The following CACNA1A variants were observed in gnomAD, a reference collection of about 807,000 sequenced individuals.
CACNA1A encodes the protein voltage-dependent P/Q-type calcium channel subunit alpha-1A.
CACNA1A carries 57 observed loss-of-function variants against 262.4 expected under a neutral mutation model. The observed-to-expected ratio is 0.22, with a 90% CI of 0.18 to 0.27. The LOEUF (loss-of-function observed/expected upper bound fraction) is 0.27. Ranked by LOEUF, CACNA1A falls within the 10% of genes least tolerant of loss-of-function variation. The pLI is 1.00. For synonymous variants in CACNA1A, 1,431 were observed against 1,419.3 expected (o/e 1.01, Z -0.18); for missense variants, 2,526 against 3,562.8 (o/e 0.71, Z 7.41).
At chr19:13,445,216 G>C (rs1332754634) in intron 3 of CACNA1A, among the ~76,000 whole-genome samples, 1 of 151,914 alleles carries the variant, frequency 6.6e-6, no homozygotes, top group Non-Finnish European at 1.5e-5. Context: ...CTGTGTAGTT[G>C]TGTCTTTTCC....
At chr19:13,459,955 C>T (rs138793223) in intron 1 of CACNA1A, among the ~76,000 whole-genome samples, 52 of 152,290 alleles carry the variant, frequency 3.4e-4, no homozygotes, top group African/African-American at 1.3e-3. Flanking sequence ...AACCTTAGCA[C>T]GTAGGCAAAA....
In CACNA1A at chr19:13,505,798, T is replaced by C. The variant is rs1435322092; in HGVS notation, c.293+134A>G. 1.7e-5 allele frequency: 13 copies of C among 754,472 alleles called. No homozygotes were observed. The Admixed American group carries it at 2.8e-4, about 16-fold the overall frequency. 46.7% of individuals were successfully genotyped at this position (754,472 alleles called of 1,614,324 possible). A position where few individuals can be genotyped will look rare whatever the true frequency, so the allele number is the denominator to read the frequency against. On this transcript the variant is annotated intron_variant, in intron 1 of 46. Coordinates refer to ENST00000360228, the MANE Select transcript of CACNA1A (RefSeq NM_001127222.2). ...CTTTCACACTCCTCCCGGTGCCCCCTCTCCCAGCCCCTGGAAGACCCCCCT... is the reference window on the plus strand; with the variant it reads ...CTTTCACACTCCTCCCGGTGCCCCCCCTCCCAGCCCCTGGAAGACCCCCCT...
intron 3 of CACNA1A, among the ~76,000 whole-genome samples, chr19:13,382,862 G>A (rs2059546899): frequency 6.6e-6 from 1 of 152,312 alleles, no homozygotes; most frequent in East Asian, 1.9e-4. Context: ...CTGCATCCCA[G>A]CGGTTGGCAG....
chr19:13,366,622 T>C (rs568447637), intron 4 of CACNA1A, among the ~76,000 whole-genome samples: 134 of 152,320 alleles, frequency 8.8e-4, no homozygotes, highest in Non-Finnish European at 1.5e-3. Context: ...AATAAAGGTA[T>C]TTGACATGCT....
chr19:13,434,953 C>T (rs544997540), intron 3 of CACNA1A, among the ~76,000 whole-genome samples: 1 of 151,976 alleles, frequency 6.6e-6, no homozygotes, highest in African/African-American at 2.4e-5. Context: ...CCACACCTGG[C>T]TAATTTTTGT....
At chr19:13,497,958 T>C (rs1981889230) in intron 1 of CACNA1A, among the ~76,000 whole-genome samples, 1 of 151,634 alleles carries the variant, frequency 6.6e-6, no homozygotes, top group African/African-American at 2.4e-5. Context: ...TCTATATGTC[T>C]CCCCTCCATC....
rs1275444260 is a variant in CACNA1A at position 13,330,232 on chromosome 19, G to A, written c.1345+12C>T. 10 of 1,537,654 alleles carry A rather than the reference G, an allele frequency of 6.5e-6. No homozygotes were observed. The highest frequency in any genetic ancestry group is 8.8e-6 in the Non-Finnish European group (10 of 1,133,412). On this transcript the variant is annotated intron_variant, in intron 10 of 46. Transcript: ENST00000360228. ...GATGAACAACTGATAGGTGGCAGAG[G>A]AAGGGACTCACCCACAGAGGCTATA...
At position 13,353,750 on chromosome 19, in the gene CACNA1A, C is replaced by A. The variant is rs377666518; in HGVS notation, c.978+5856G>T. On this transcript the variant is annotated intron_variant, in intron 6 of 46. Transcript: ENST00000360228. ...AAATCTGGAAGGGAATCAAACACAT[C>A]CTGTAGGTGAGCTGCCACTGTTCTC... Among the ~76,000 whole-genome samples the A allele has an allele frequency of 3.9e-5, 6 of 152,126 alleles. No individual in the cohort carries two copies. The East Asian group carries it at 9.6e-4, about 24-fold the overall frequency.
chr19:13,376,532 C>T (rs2059406115), intron 3 of CACNA1A, among the ~76,000 whole-genome samples: 2 of 149,256 alleles, frequency 1.3e-5, no homozygotes, highest in South Asian at 2.1e-4. Flanking sequence ...GAGATCTACT[C>T]AGAAAAAAAT....
intron 3 of CACNA1A, among the ~76,000 whole-genome samples, chr19:13,375,153 C>CT (rs1342775013): frequency 2.0e-5 from 3 of 152,078 alleles, no homozygotes; most frequent in African/African-American, 7.2e-5. Flanking sequence ...GTATTTCAAA[C>CT]TTTTACATAA....
chr19:13,497,488 CAAAAAAAAAAAAAAAAAA>C (rs59964256), intron 1 of CACNA1A, among the ~76,000 whole-genome samples: 43 of 3,978 alleles, frequency 0.011, no homozygotes, highest in African/African-American at 0.043. Flanking sequence ...AACTCCATCT[CAAAAAAAAAAAAAAAAAA>C]AAAAAAAAAA....
intron 6 of CACNA1A, among the ~76,000 whole-genome samples, chr19:13,337,238 A>C (rs578230793): frequency 6.6e-6 from 1 of 152,344 alleles, no homozygotes; most frequent in Non-Finnish European, 1.5e-5. Context: ...TATAGAGGCC[A>C]AAAATCCAAG....
intron 3 of CACNA1A, among the ~76,000 whole-genome samples, chr19:13,447,831 ACTT>A (rs1599476361): frequency 1.3e-5 from 2 of 152,146 alleles, no homozygotes; most frequent in Admixed American, 6.6e-5. Context: ...ACTCTTTCCA[ACTT>A]CTTCTGCCTG....
intron 6 of CACNA1A, among the ~76,000 whole-genome samples, chr19:13,357,226 G>T (rs1033525831): frequency 2.0e-5 from 3 of 152,134 alleles, no homozygotes; most frequent in African/African-American, 7.2e-5. Flanking sequence ...TGCAATTTTT[G>T]TGTGTGTGAA....
At chr19:13,451,393 A>C (rs987891322) in intron 3 of CACNA1A, 9 of 152,268 alleles carry the variant, frequency 5.9e-5, no homozygotes, top group Admixed American at 3.9e-4. Flanking sequence ...TGTCCAGTGA[A>C]GAAGGGTCTT....
intron 21 of CACNA1A, 62 bp downstream of exon 21, chr19:13,285,006 G>A (rs2057369216): frequency 6.3e-7 from 1 of 1,589,070 alleles, no homozygotes; most frequent in African/African-American, 1.3e-5. Flanking sequence ...TATCTGGCCT[G>A]ACTTCCGCCA....
At position 13,332,577 on chromosome 19, in the gene CACNA1A, G is replaced by A. The variant is rs143357813; in HGVS notation, c.1255+292C>T. On this transcript the variant is annotated intron_variant, in intron 9 of 46. Coordinates refer to ENST00000360228, the MANE Select transcript of CACNA1A (RefSeq NM_001127222.2). The stretch of plus-strand genomic sequence containing the variant: ...TCCCAGGTGTTCTATTTGCCATAAC[G>A]AATATCATTCTGAGAAACAATCTCG... Among the ~76,000 whole-genome samples the A allele has an allele frequency of 3.3e-5, 5 of 152,132 alleles. No homozygotes were observed. In the East Asian group the frequency reaches 9.7e-4, roughly 29 times the overall value.
intron 24 of CACNA1A, among the ~76,000 whole-genome samples, chr19:13,268,957 C>T (rs1354133327): frequency 7.0e-6 from 1 of 143,212 alleles, no homozygotes; most frequent in East Asian, 2.1e-4. Flanking sequence ...CCTCAGCCTT[C>T]CAAAGTGCTG....
chr19:13,438,958 C>A (rs1568645536), intron 3 of CACNA1A, among the ~76,000 whole-genome samples: 1 of 152,070 alleles, frequency 6.6e-6, no homozygotes, highest in Non-Finnish European at 1.5e-5. Context: ...AGGCTGGTCT[C>A]AAACTCCTGA....
Sources: allele counts gnomAD v4.1 joint callset (sites outside exome capture counted in the v4.1 genomes callset), GRCh38; gene constraint gnomAD v4.1.1; transcripts MANE v1.5; gene names NCBI Gene and HGNC (gene_info 2026-07-23, HGNC 2026-07-21).